DSCAML1: variants seen among roughly 807,000 people sequenced by gnomAD.
The protein encoded by DSCAML1 is cell adhesion molecule DSCAML1.
Under a neutral mutation model 200.5 loss-of-function variants are expected in DSCAML1, and 38 were observed. The ratio of observed to expected loss-of-function variants is 0.19; its 90% confidence interval spans 0.15 to 0.25. DSCAML1 has a LOEUF of 0.25. Among genes scored for constraint, DSCAML1 ranks in the 10% least tolerant of loss-of-function variants. The pLI is 1.00. For missense variants in DSCAML1, 2,223 were observed against 2,858.8 expected, an observed-to-expected ratio of 0.78 and a Z score of 5.07; for synonymous variants, 1,215 against 1,165.0, an observed-to-expected ratio of 1.04 and a Z score of -0.87.
chr11:117,692,915 C>T (rs962799191), intron 3 of DSCAML1, among the ~76,000 whole-genome samples: 28 of 152,190 alleles, frequency 1.8e-4, no homozygotes, highest in African/African-American at 6.8e-4. Context: ...GAAGACCATC[C>T]TTTCATTTTC....
chr11:117,601,739 G>A (rs1375897427), intron 3 of DSCAML1, among the ~76,000 whole-genome samples: 1 of 152,242 alleles, frequency 6.6e-6, no homozygotes, highest in Non-Finnish European at 1.5e-5. Context: ...TCACGCCCTT[G>A]AACACATGGG....
intron 3 of DSCAML1, among the ~76,000 whole-genome samples, chr11:117,574,798 A>G (rs1473750023): frequency 6.6e-6 from 1 of 152,194 alleles, no homozygotes; most frequent in Non-Finnish European, 1.5e-5. Context: ...CAGCATGTGC[A>G]AAGAGCAGTA....
chr11:117,598,897 TA>T (rs1195030648), intron 3 of DSCAML1, among the ~76,000 whole-genome samples: 1 of 152,206 alleles, frequency 6.6e-6, no homozygotes, highest in Non-Finnish European at 1.5e-5. Flanking sequence ...TTTAGTGGTA[TA>T]TTTTTTTGGG....
At chr11:117,557,589 A>G (rs977628029) in intron 3 of DSCAML1, among the ~76,000 whole-genome samples, 1 of 152,224 alleles carries the variant, frequency 6.6e-6, no homozygotes, top group Non-Finnish European at 1.5e-5. Flanking sequence ...ACTGTGTGCA[A>G]TTTGCATTTT....
At chr11:117,742,562 G>A (rs915494759) in intron 3 of DSCAML1, among the ~76,000 whole-genome samples, 5 of 152,194 alleles carry the variant, frequency 3.3e-5, no homozygotes, top group African/African-American at 4.8e-5. Flanking sequence ...GGGCGGTGAG[G>A]AGCATGCCCA....
chr11:117,672,911 C>T (rs1041353458), intron 3 of DSCAML1, among the ~76,000 whole-genome samples: 6 of 152,194 alleles, frequency 3.9e-5, no homozygotes, highest in African/African-American at 1.4e-4. Context: ...GGAAGTAAAA[C>T]ATTTGGGTGT....
At chr11:117,684,537 T>C (rs758769927) in intron 3 of DSCAML1, among the ~76,000 whole-genome samples, 9 of 148,738 alleles carry the variant, frequency 6.1e-5, no homozygotes, top group Admixed American at 1.3e-4. Flanking sequence ...TATACAGAGA[T>C]GCAGAGTTAG....
rs535326263 is a variant in DSCAML1, at chr11:117,642,739, G to A, written c.512-110217C>T. ...GCTCAGATGAAGACGTCAGACTGGC[G>A]GGGCTGAGAAACACCCCTGGTGATT... On this transcript the variant is annotated intron_variant, in intron 3 of 32. Coordinates refer to ENST00000651296, the MANE Select transcript of DSCAML1 (RefSeq NM_020693.4). The surrounding 1 kb of genome is among the most constrained non-coding windows in gnomAD (Gnocchi z 4.1). 4.6e-5 allele frequency among the ~76,000 whole-genome samples: 7 copies of A among 152,234 alleles called. No individual in the cohort carries two copies. The highest frequency in any genetic ancestry group is 1.9e-4 in the East Asian group (1 of 5,168).
intron 3 of DSCAML1, among the ~76,000 whole-genome samples, chr11:117,602,935 CA>C (rs370616033): frequency 0.015 from 2,252 of 150,700 alleles, 51 homozygotes; most frequent in African/African-American, 0.051. Context: ...CCCGTCTCTA[CA>C]AAAAAAAAGT....
chr11:117,665,018 T>C lies in DSCAML1; in HGVS notation c.511+111773A>G, dbSNP rs556529254. 4.6e-5 allele frequency among the ~76,000 whole-genome samples: 7 copies of C among 150,782 alleles called. No homozygotes were observed. In the South Asian group the frequency reaches 1.5e-3, roughly 31 times the overall value. The stretch of plus-strand genomic sequence containing the variant: ...CCTTCTTGTTTCTCTCACTTTGCCA[T>C]GCTTGTTGGTAGCCAGGCCAAGCCC... On this transcript the variant is annotated intron_variant, in intron 3 of 32. Coordinates refer to ENST00000651296, the MANE Select transcript of DSCAML1 (RefSeq NM_020693.4).
At chr11:117,801,154 T>C (rs1475976655), upstream of DSCAML1, 1 of 152,254 alleles carries the variant, frequency 6.6e-6, no homozygotes, top group Admixed American at 6.5e-5. Flanking sequence ...TAATTGATTT[T>C]AATATTATAG....
intron 3 of DSCAML1, among the ~76,000 whole-genome samples, chr11:117,732,533 T>A (rs2054240391): frequency 6.6e-6 from 1 of 152,206 alleles, no homozygotes; most frequent in Non-Finnish European, 1.5e-5. Context: ...TGTATCTGGA[T>A]GAAGGCTGGA....
At chr11:117,602,527 A>G (rs1006470954) in intron 3 of DSCAML1, among the ~76,000 whole-genome samples, 4 of 151,992 alleles carry the variant, frequency 2.6e-5, no homozygotes, top group African/African-American at 7.3e-5. Flanking sequence ...TGCTCAGCTA[A>G]TTTTTGTATT....
chr11:117,444,108 G>GT, intron 20 of DSCAML1, 69 bp from the exon 21 acceptor site: 1 of 1,528,646 alleles, frequency 6.5e-7, no homozygotes, highest in South Asian at 1.2e-5. Context: ...ATCTTCCTCA[G>GT]TGCCCGGGGC....
Position 117,438,053 on chromosome 11 carries a change from C to T in DSCAML1, c.4274G>A (p.Ser1425Asn). ...GATGAACACATCCTTCCACTCCTCG[C>T]TGTTGTCCACCGAGTACTGTAGCAC... ...GFVLQYSVDN[S>N]EEWKDVFISS... Residue 1425 changes from serine (S) to asparagine (N), a missense_variant, in exon 25 of 33, where the codon AGC becomes AAC. Coordinates refer to ENST00000651296, the MANE Select transcript of DSCAML1 (RefSeq NM_020693.4). 1.9e-6 allele frequency: 3 copies of T among 1,613,904 alleles called. No individual in the cohort carries two copies. Among genetic ancestry groups the T allele is most frequent in the Non-Finnish European group, 1.7e-6 (2 of 1,179,882 alleles).
intron 3 of DSCAML1, among the ~76,000 whole-genome samples, chr11:117,681,816 C>A (rs2053318257): frequency 2.0e-5 from 3 of 152,164 alleles, no homozygotes; most frequent in African/African-American, 4.8e-5. Context: ...AGGCACTGGG[C>A]AGAATCACAA....
At chr11:117,689,835 T>C (rs1323453446) in intron 3 of DSCAML1, among the ~76,000 whole-genome samples, 1 of 152,206 alleles carries the variant, frequency 6.6e-6, no homozygotes, top group Non-Finnish European at 1.5e-5. Context: ...ACCCTGGAAC[T>C]TAATTCTGCA....
At position 117,812,948 on chromosome 11, in the gene DSCAML1, CT is replaced by C. The variant is rs530603273; in HGVS notation, c.-250+4441del. On this transcript the variant is annotated intron_variant, in intron 1 of 2. Coordinates refer to the DSCAML1 transcript ENST00000525836. ...CCACTGCTTTAATACTTTTAGAGGC[CT>C]TTCCTACAAGGTCTGAGAAGGCCAC... is the stretch of plus-strand genomic sequence containing the variant. Among the ~76,000 whole-genome samples, 28 of 152,028 alleles carry C rather than the reference CT, an allele frequency of 1.8e-4. 2 individuals carry two copies. The East Asian group carries it at 5.4e-3, about 29-fold the overall frequency.
chr11:117,734,418 TCC>T (rs1413120852), intron 3 of DSCAML1, among the ~76,000 whole-genome samples: 1 of 152,078 alleles, frequency 6.6e-6, no homozygotes, highest in Non-Finnish European at 1.5e-5. Context: ...GCCCCTCGGG[TCC>T]CCACATTCTC....
Sources: gnomAD v4.1 joint callset for allele counts (sites outside exome capture counted in the v4.1 genomes callset) on GRCh38, gnomAD v4.1.1 for gene constraint, Gnocchi (gnomAD v3.1) non-coding constraint, MANE v1.5 for transcripts, NCBI Gene and HGNC (gene_info 2026-07-23, HGNC 2026-07-21) for gene names.